Variants in GSTM5 observed in about 807,000 individuals in gnomAD.
GSTM5 encodes the protein GST class-mu 5.
In GSTM5, 24 loss-of-function variants were observed where a neutral mutation model predicts 29.0. That is an observed-to-expected ratio of 0.83 (90% CI 0.60 to 1.16). GSTM5 has a LOEUF of 1.16. GSTM5 is among the 50% of genes most tolerant of loss of function. The pLI, the probability that GSTM5 is intolerant of heterozygous loss-of-function variation, is 0.00. For missense variants in GSTM5, 290 were observed against 263.0 expected (o/e 1.10, Z -0.71); for synonymous variants, 91 against 93.6 (o/e 0.97, Z 0.16).
Position 109,717,793 on chromosome 1 carries a change from G to T in GSTM5, c.*367G>T, listed in dbSNP as rs1648804193. ...CTGTATGCCCTGCTCCCTTTGCTGGGTCCCTACCCCAGCTCCGTGTGATGC... is the reference window on the plus strand; with the variant it reads ...CTGTATGCCCTGCTCCCTTTGCTGGTTCCCTACCCCAGCTCCGTGTGATGC... On this transcript the variant is annotated 3_prime_UTR_variant, in exon 8 of 8. Transcript: ENST00000256593. 5.4e-6 allele frequency: 1 copy of T among 184,750 alleles called. No homozygotes were observed. Among genetic ancestry groups the T allele is most frequent in the South Asian group, 1.1e-4 (1 of 8,768 alleles). 11.4% of individuals were successfully genotyped at this position (184,750 alleles called of 1,614,324 possible). A position where few individuals can be genotyped will look rare whatever the true frequency, so the allele number is the denominator to read the frequency against.
intron 7 of GSTM5, 173 bp from the exon 8 acceptor site, chr1:109,717,164 T>C: frequency 1.8e-6 from 1 of 550,860 alleles, no homozygotes; most frequent in Non-Finnish European, 3.4e-6. Flanking sequence ...TTAAAGGAAG[T>C]TGGAAGAGTT....
chr1:109,717,118 TCGTAAATG>T, intron 7 of GSTM5: 1 of 290,310 alleles, frequency 3.4e-6, no homozygotes, highest in South Asian at 6.8e-5. Flanking sequence ...TGTAGATCTT[TCGTAAATG>T]GTAGCTGTTA....
chr1:109,712,713 C>A lies in GSTM5; in HGVS notation c.112+20C>A, dbSNP rs201241248. ...GGGACGGTAATGGCACCCTCGTGTC[C>A]GGGCCCTGCCCACTCACGCTGAGTT... On this transcript the variant is annotated intron_variant, in intron 2 of 7. Transcript: ENST00000256593. 46 of 1,613,538 alleles carry A rather than the reference C, an allele frequency of 2.9e-5. No homozygotes were observed. In the African/African-American group the frequency reaches 5.3e-4, roughly 19 times the overall value.
chr1:109,717,370 A>G lies in GSTM5; in HGVS notation c.601A>G (p.Ser201Gly). 1 of 1,614,072 alleles carries G rather than the reference A, an allele frequency of 6.2e-7. No individual in the cohort carries two copies. ...GAAGATCTCTGCCTACATGAAGTCC[A>G]GCCAATTCCTCCGAGGTCTTTTGTT... ...LKKISAYMKS[S>G]QFLRGLLFGK... Residue 201 changes from serine to glycine, a missense_variant, in exon 8 of 8, where the codon AGC (serine) becomes GGC (glycine). Ser to Gly is a moderately conservative substitution (Grantham distance 56). Transcript: ENST00000256593.
upstream of GSTM5, among the ~76,000 whole-genome samples, chr1:109,711,862 G>T (rs1465822934): frequency 7.0e-6 from 1 of 142,626 alleles, no homozygotes; most frequent in African/African-American, 2.4e-5. Flanking sequence ...GACCCCTGCA[G>T]CCGGAGTCTC....
chr1:109,712,867 C>A (rs111611566), intron 2 of GSTM5, 174 bp downstream of exon 2: 85,865 of 882,656 alleles, frequency 0.097, 7,672 homozygotes, highest in African/African-American at 0.41. Context: ...AATGCTGGGG[C>A]GGGATGCTGG....
rs992828266 is a variant in GSTM5 at position 109,715,937 on chromosome 1, CCT to C, written c.567+698_567+699del. The C allele has an allele frequency of 2.5e-5, 21 of 842,984 alleles. No individual in the cohort carries two copies. The African/African-American group carries it at 2.7e-4, about 11-fold the overall frequency. The allele number at this position is 842,984 out of a possible 1,614,324, so 52.2% of individuals were successfully genotyped here. A position where few individuals can be genotyped will look rare whatever the true frequency, so the allele number is the denominator to read the frequency against. On this transcript the variant is annotated intron_variant, in intron 7 of 7. Coordinates refer to ENST00000256593, the MANE Select transcript of GSTM5 (RefSeq NM_000851.4). ...TCCCTCCAATGTTCCACGTCTTCCC[CCT>C]GTGAGATGAGTAGCACACTGATTTT...
At chr1:109,717,039 G>A (rs1648768051) in intron 7 of GSTM5, 1 of 249,412 alleles carries the variant, frequency 4.0e-6, no homozygotes, top group Non-Finnish European at 7.8e-6. Flanking sequence ...AACTGACCAT[G>A]GAGGGTAGTC....
Position 109,717,675 on chromosome 1 carries a change from C to T in GSTM5, c.*249C>T, listed in dbSNP as rs143149060. On this transcript the variant is annotated 3_prime_UTR_variant, in exon 8 of 8. Coordinates refer to ENST00000256593, the MANE Select transcript of GSTM5 (RefSeq NM_000851.4). ...TAACGTCTTCCTTTCCCTGCACTAACGCCAACCTGACTGCTTTTCCTGTCA... is the reference window on the plus strand; with the variant it reads ...TAACGTCTTCCTTTCCCTGCACTAATGCCAACCTGACTGCTTTTCCTGTCA... The T allele has an allele frequency of 4.0e-3, 1,793 of 446,180 alleles. 21 individuals are homozygous for T. The highest frequency in any genetic ancestry group is 0.031 in the African/African-American group (1,552 of 50,174). 27.6% of individuals were successfully genotyped at this position (446,180 alleles called of 1,614,324 possible). A position where few individuals can be genotyped will look rare whatever the true frequency, so the allele number is the denominator to read the frequency against.
At chr1:109,714,703 A>G in intron 5 of GSTM5, 1 of 564,950 alleles carries the variant, frequency 1.8e-6, no homozygotes. Flanking sequence ...GGCTATTGGG[A>G]GGCCAGTGAG....
chr1:109,717,515 T>A lies in GSTM5; in HGVS notation c.*89T>A. 1.1e-6 allele frequency: 1 copy of A among 876,354 alleles called. No individual in the cohort carries two copies. Among genetic ancestry groups the A allele is most frequent in the South Asian group, 1.3e-5 (1 of 74,102 alleles). 54.3% of individuals were successfully genotyped at this position (876,354 alleles called of 1,614,324 possible). On this transcript the variant is annotated 3_prime_UTR_variant, in exon 8 of 8. Transcript: ENST00000256593. ...AGCCTGACTCCCTGGACCTGCCTTC[T>A]TCCTTTTTCCTTCTTTCTACTCTCT...
intron 5 of GSTM5, chr1:109,714,463 A>T: frequency 5.6e-6 from 1 of 178,014 alleles, no homozygotes; most frequent in Non-Finnish European, 1.2e-5. Flanking sequence ...TTCATAACAG[A>T]CAGCTCAGAG....
chr1:109,717,120 G>GC, intron 7 of GSTM5: 1 of 263,228 alleles, frequency 3.8e-6, no homozygotes, highest in African/African-American at 3.0e-5. Context: ...TAGATCTTTC[G>GC]TAAATGGTAG....
intron 3 of GSTM5, 106 bp downstream of exon 3, chr1:109,713,289 T>C: frequency 1.3e-6 from 2 of 1,526,118 alleles, no homozygotes; most frequent in Non-Finnish European, 9.1e-7. Flanking sequence ...TTCTGCCCAA[T>C]TCCTCTCACT....
Position 109,713,508 on chromosome 1 carries a change from CA to C in GSTM5, c.203del (p.His68ProfsTer56). Reference sequence around the variant, plus strand: ...GCTGCCCTACTTGATTGATGGGGCTCACAAGATCACCCAGAGCAATGCCATC... The same window carrying C: ...GCTGCCCTACTTGATTGATGGGGCTCCAAGATCACCCAGAGCAATGCCATC... ...PNLPYLIDGAHKITQSNAILR... is the reference protein window; with the variant it reads ...PNLPYLIDGAXKITQSNAILR... On this transcript the variant is annotated frameshift_variant, in exon 4 of 8. Transcript: ENST00000256593. LOFTEE classifies it high-confidence loss of function. 1 of 1,614,208 alleles carries C rather than the reference CA, an allele frequency of 6.2e-7. No homozygotes were observed. Among genetic ancestry groups the C allele is most frequent in the Non-Finnish European group, 8.5e-7 (1 of 1,180,052 alleles).
chr1:109,714,700 G>A (rs1648682171), intron 5 of GSTM5: 2 of 562,994 alleles, frequency 3.6e-6, no homozygotes, highest in Admixed American at 6.2e-5. Flanking sequence ...AGAGGCTATT[G>A]GGAGGCCAGT....
chr1:109,714,786 T>C, intron 5 of GSTM5, 161 bp from the exon 6 acceptor site: 1 of 694,942 alleles, frequency 1.4e-6, no homozygotes, highest in East Asian at 2.5e-5. Context: ...GTCTAATAAA[T>C]GCTGATGTAT....
In GSTM5 at chr1:109,713,467, G is replaced by T. The variant is rs761745813; in HGVS notation, c.178-17G>T. On this transcript the variant is annotated splice_polypyrimidine_tract_variant and intron_variant, in intron 3 of 7. Coordinates refer to ENST00000256593, the MANE Select transcript of GSTM5 (RefSeq NM_000851.4). ...CTGGTGGCCCAACTGAGCTTCCCCG[G>T]TTTCCCATCTATCCAGCTGCCCTAC... The T allele has an allele frequency of 8.1e-6, 13 of 1,614,110 alleles. No individual in the cohort carries two copies. In the Admixed American group the frequency reaches 2.0e-4, roughly 25 times the overall value.
chr1:109,713,687 C>G lies in GSTM5; in HGVS notation c.286C>G (p.Arg96Gly), dbSNP rs775193894. The G allele has an allele frequency of 1.2e-6, 2 of 1,613,708 alleles. No individual in the cohort carries two copies. The highest frequency in any genetic ancestry group is 1.3e-5 in the African/African-American group (1 of 74,822). The change falls in exon 5 of 8, where the codon CGT (arginine) becomes GGT (glycine). Residue 96 changes from arginine to glycine, a missense_variant. Physicochemically the swap from Arg to Gly is moderately radical, Grantham distance 125. Coordinates refer to ENST00000256593, the MANE Select transcript of GSTM5 (RefSeq NM_000851.4). ...TGGGGAGACAGAAGAGGAGAAGATT[C>G]GTGTGGACATTTTGGAGAACCAGGT... ...LCGETEEEKI[R>G]VDILENQVMD...
Sources: gnomAD v4.1 joint callset for allele counts (sites outside exome capture counted in the v4.1 genomes callset) on GRCh38, gnomAD v4.1.1 for gene constraint, MANE v1.5 for transcripts, NCBI Gene and HGNC (gene_info 2026-07-23, HGNC 2026-07-21) for gene names.